Variants in NPFFR1 observed in about 807,000 individuals in gnomAD.
The protein encoded by NPFFR1 is neuropeptide FF receptor 1, also known as G-protein coupled receptor 147.
Under a neutral mutation model 12.7 loss-of-function variants are expected in NPFFR1, and 17 were observed. That is an observed-to-expected ratio of 1.34 (90% CI 0.92 to 2.01). The LOEUF (loss-of-function observed/expected upper bound fraction) is 2.01, where lower values mean the gene tolerates loss of function less well. Ranked by LOEUF, NPFFR1 falls within the 30% of genes most tolerant of loss-of-function variation. The pLI is 0.00. For missense variants in NPFFR1, 604 were observed against 606.5 expected (o/e 1.00, Z 0.04); for synonymous variants, 296 against 264.5 (o/e 1.12, Z -1.16).
At chr10:70,278,339 A>G (rs1840826025) in intron 1 of NPFFR1, among the ~76,000 whole-genome samples, 1 of 144,094 alleles carries the variant, frequency 6.9e-6, no homozygotes, top group Non-Finnish European at 1.5e-5. Flanking sequence ...GAAGAATAAA[A>G]GCCAGATCTC....
At chr10:70,277,787 G>A (rs1464246256) in intron 1 of NPFFR1, among the ~76,000 whole-genome samples, 1 of 152,216 alleles carries the variant, frequency 6.6e-6, no homozygotes, top group African/African-American at 2.4e-5. Flanking sequence ...GAGCAGATCT[G>A]ATTTGCTGCC....
chr10:70,265,344 G>A (rs566820570), intron 2 of NPFFR1, among the ~76,000 whole-genome samples: 1 of 152,326 alleles, frequency 6.6e-6, no homozygotes, highest in South Asian at 2.1e-4. Context: ...GGAGTCTCAG[G>A]TTGGTGGAAA....
chr10:70,272,690 T>C (rs1840762967), intron 1 of NPFFR1, among the ~76,000 whole-genome samples: 1 of 152,218 alleles, frequency 6.6e-6, no homozygotes, highest in South Asian at 2.1e-4. Context: ...GGCCAGAGCA[T>C]GGATGTGCCC....
chr10:70,248,494 T>TTTTTTTTTTTTTTTA lies in NPFFR1; in HGVS notation c.*6462_*6463insTAAAAAAAAAAAAAA, dbSNP rs1840477954. ...TTTTTTTTTGTTTTTTGTTTTTTTT[T>TTTTTTTTTTTTTTTA]TTTTTTTTTGAGATGGAGTCTCACT... On this transcript the variant is annotated 3_prime_UTR_variant, in exon 4 of 4. Transcript: ENST00000277942. 2 of 138,348 alleles carry TTTTTTTTTTTTTTTA rather than the reference T, an allele frequency of 1.4e-5. 1 individual carries two copies. Among genetic ancestry groups the TTTTTTTTTTTTTTTA allele is most frequent in the African/African-American group, 5.5e-5 (2 of 36,612 alleles). 8.6% of individuals were successfully genotyped at this position (138,348 alleles called of 1,614,324 possible). A position where few individuals can be genotyped will look rare whatever the true frequency, so the allele number is the denominator to read the frequency against.
chr10:70,262,667 A>C (rs1840646193), intron 2 of NPFFR1, among the ~76,000 whole-genome samples: 1 of 152,244 alleles, frequency 6.6e-6, no homozygotes, highest in African/African-American at 2.4e-5. Flanking sequence ...TCAAGTTAAA[A>C]TGAATCTGTG....
intron 1 of NPFFR1, among the ~76,000 whole-genome samples, chr10:70,279,188 G>A (rs996818414): frequency 6.6e-6 from 1 of 152,088 alleles, no homozygotes; most frequent in Admixed American, 6.6e-5. Context: ...GTCTCGCTCT[G>A]TCACCCATGC....
intron 1 of NPFFR1, among the ~76,000 whole-genome samples, chr10:70,274,459 AAGAG>A (rs996682029): frequency 6.8e-5 from 10 of 146,496 alleles, no homozygotes; most frequent in South Asian, 4.4e-4. Flanking sequence ...GAAAATAAAA[AAGAG>A]AGAGAGAGAG....
At position 70,266,123 on chromosome 10, in the gene NPFFR1, C is replaced by T. The variant is rs1328092123; in HGVS notation, c.276G>A (p.Val92=). 5.0e-6 allele frequency: 8 copies of T among 1,613,982 alleles called. 1 individual carries two copies. The South Asian group carries it at 6.6e-5, about 13-fold the overall frequency. The part of the protein sequence containing the change: ...ILNLAVSDLL[V]GIFCMPTTLV... ...GGGTGGTGGGCATGCAGAAGATGCCCACCAGCAGGTCACTGACAGCCAGGT... is the reference window on the plus strand; with the variant it reads ...GGGTGGTGGGCATGCAGAAGATGCCTACCAGCAGGTCACTGACAGCCAGGT... Residue 92 remains valine (V), a synonymous_variant, in exon 2 of 4, where the codon GTG becomes GTA. Coordinates refer to ENST00000277942, the MANE Select transcript of NPFFR1 (RefSeq NM_022146.5).
chr10:70,248,490 T>TTTTTTTTTG lies in NPFFR1; in HGVS notation c.*6466_*6467insCAAAAAAAA, dbSNP rs1840477576. Reference sequence around the variant, plus strand: ...GCGTTTTTTTTTTGTTTTTTGTTTTTTTTTTTTTTTTTTGAGATGGAGTCT... The same window carrying TTTTTTTTTG: ...GCGTTTTTTTTTTGTTTTTTGTTTTTTTTTTTTTGTTTTTTTTTTTTTGAGATGGAGTCT... On this transcript the variant is annotated 3_prime_UTR_variant, in exon 4 of 4. Coordinates refer to ENST00000277942, the MANE Select transcript of NPFFR1 (RefSeq NM_022146.5). 8.5e-6 allele frequency: 1 copy of TTTTTTTTTG among 117,132 alleles called. No individual in the cohort carries two copies. Among genetic ancestry groups the TTTTTTTTTG allele is most frequent in the Non-Finnish European group, 1.8e-5 (1 of 54,498 alleles). The allele number at this position is 117,132 out of a possible 1,614,324, so 7.3% of individuals were successfully genotyped here.
rs1386580979 is a variant in NPFFR1 at position 70,260,252 on chromosome 10, C to A, written c.422+388G>T. Among the ~76,000 whole-genome samples, 11 of 152,138 alleles carry A rather than the reference C, an allele frequency of 7.2e-5. No individual in the cohort carries two copies. The East Asian group carries it at 2.1e-3, about 29-fold the overall frequency. On this transcript the variant is annotated intron_variant, in intron 3 of 3. Transcript: ENST00000277942. The stretch of plus-strand genomic sequence containing the variant: ...ACAGAATAAGGAGCAGGGAGAAACC[C>A]TTCCTCCCCAGCCATACCGTGACCC...
rs1282416204 is a variant in NPFFR1 at position 70,249,258 on chromosome 10, G to A, written c.*5699C>T. The A allele has an allele frequency of 2.0e-5, 3 of 151,944 alleles. No homozygotes were observed. The highest frequency in any genetic ancestry group is 7.2e-5 in the African/African-American group (3 of 41,382). The allele number at this position is 151,944 out of a possible 1,614,324, so 9.4% of individuals were successfully genotyped here. A position where few individuals can be genotyped will look rare whatever the true frequency, so the allele number is the denominator to read the frequency against. ...TATTAAAAATACAAAAATTAGCTGG[G>A]TGTGGTGGCAGATGCCTGTAATCCC... is the stretch of plus-strand genomic sequence containing the variant. On this transcript the variant is annotated 3_prime_UTR_variant, in exon 4 of 4. Transcript: ENST00000277942.
chr10:70,262,725 C>T (rs2136796628), intron 2 of NPFFR1, among the ~76,000 whole-genome samples: 1 of 152,308 alleles, frequency 6.6e-6, no homozygotes, highest in East Asian at 1.9e-4. Context: ...TGTTAATACA[C>T]ATACAGATGG....
intron 1 of NPFFR1, among the ~76,000 whole-genome samples, chr10:70,271,523 TA>T (rs1005905379): frequency 6.6e-6 from 1 of 151,606 alleles, no homozygotes; most frequent in Non-Finnish European, 1.5e-5. Flanking sequence ...AAATAAAAAA[TA>T]AAAAATAATT....
At chr10:70,283,640 C>G (rs1040593471) in intron 1 of NPFFR1, 30 bp downstream of exon 1, 2 of 1,532,500 alleles carry the variant, frequency 1.3e-6, no homozygotes, top group African/African-American at 1.4e-5. Context: ...CCCTGCCCCA[C>G]GGCTGGCCCC....
rs1313719002 is a variant in NPFFR1, at chr10:70,266,233, G to T, written c.166C>A (p.Leu56Ile). 2.5e-6 allele frequency: 4 copies of T among 1,613,924 alleles called. No individual in the cohort carries two copies. Among genetic ancestry groups the T allele is most frequent in the Non-Finnish European group, 3.4e-6 (4 of 1,179,910 alleles). The change falls in exon 2 of 4, where the codon CTC becomes ATC. Residue 56 changes from leucine (L) to isoleucine (I), a missense_variant. Coordinates refer to ENST00000277942, the MANE Select transcript of NPFFR1 (RefSeq NM_022146.5). ...ACCAGGGTGTTGCCCACCATGCAGA[G>T]CAGGAAGATGAGCGCATAGGCCACA... is the stretch of plus-strand genomic sequence containing the variant. ...FIVAYALIFL[L>I]CMVGNTLVCF...
In NPFFR1 at chr10:70,277,733, G is replaced by C. The variant is rs988959432; in HGVS notation, c.7+5937C>G. Among the ~76,000 whole-genome samples, 3 of 151,932 alleles carry C rather than the reference G, an allele frequency of 2.0e-5. No homozygotes were observed. The South Asian group carries it at 6.2e-4, about 32-fold the overall frequency. ...CTGTGGAGGCCCCTGGGGGCTCCCA[G>C]AAAGGCTGGGGTTGGGCTGGGGTGG... is the stretch of plus-strand genomic sequence containing the variant. On this transcript the variant is annotated intron_variant, in intron 1 of 3. Transcript: ENST00000277942.
In NPFFR1 at chr10:70,276,745, C is replaced by T. The variant is rs532518837; in HGVS notation, c.7+6925G>A. On this transcript the variant is annotated intron_variant, in intron 1 of 3. Transcript: ENST00000277942. Reference sequence around the variant, plus strand: ...AGGATTACAGACGTCTACCACCAAGCCCAGCTAATTTTTGTATTTTTAGTA... The same window carrying T: ...AGGATTACAGACGTCTACCACCAAGTCCAGCTAATTTTTGTATTTTTAGTA... Among the ~76,000 whole-genome samples the T allele has an allele frequency of 2.6e-5, 4 of 152,126 alleles. No homozygotes were observed. The South Asian group carries it at 8.3e-4, about 32-fold the overall frequency.
At chr10:70,268,678 G>A (rs906548875) in intron 1 of NPFFR1, among the ~76,000 whole-genome samples, 1 of 152,156 alleles carries the variant, frequency 6.6e-6, no homozygotes, top group South Asian at 2.1e-4. Flanking sequence ...GGAAGCTAGT[G>A]TGGGCTTCTT....
chr10:70,265,193 C>T (rs562423655), intron 2 of NPFFR1, among the ~76,000 whole-genome samples: 7 of 152,278 alleles, frequency 4.6e-5, no homozygotes, highest in South Asian at 2.1e-4. Flanking sequence ...CCCTCTGCCC[C>T]GAGTCAGTGA....
Sources: gnomAD v4.1 joint callset for allele counts (sites outside exome capture counted in the v4.1 genomes callset) on GRCh38, gnomAD v4.1.1 for gene constraint, MANE v1.5 for transcripts, NCBI Gene and HGNC (gene_info 2026-07-23, HGNC 2026-07-21) for gene names.